GRK3: variants seen among roughly 807,000 people sequenced by gnomAD.
GRK3 encodes the protein adrenergic, beta, receptor kinase 2.
In GRK3, 54 loss-of-function variants were observed where a neutral mutation model predicts 95.7. That is an observed-to-expected ratio of 0.56 (90% CI 0.45 to 0.71). GRK3 has a LOEUF of 0.71. GRK3 is among the 30% of genes least tolerant of loss of function. The pLI, the probability that GRK3 is intolerant of heterozygous loss-of-function variation, is 0.00. For missense variants in GRK3, 649 were observed against 851.2 expected, an observed-to-expected ratio of 0.76 and a Z score of 2.96; for synonymous variants, 281 against 290.8, an observed-to-expected ratio of 0.97 and a Z score of 0.34.
At chr22:25,722,142 C>G in intron 20 of GRK3, 147 bp from the exon 21 acceptor site, 1 of 811,604 alleles carries the variant, frequency 1.2e-6, no homozygotes, top group Non-Finnish European at 2.0e-6. Context: ...CAGCGTGACC[C>G]ATCAGCTAGT....
In GRK3 at chr22:25,660,611, G is replaced by A. The variant is rs572798343; in HGVS notation, c.265-965G>A. On this transcript the variant is annotated intron_variant, in intron 3 of 20. Transcript: ENST00000324198. ...TCTTTATTAGGAGTCTAATAAATAGGATTTGCTGGTTTTGATTTCAAAGCT... is the reference window on the plus strand; with the variant it reads ...TCTTTATTAGGAGTCTAATAAATAGAATTTGCTGGTTTTGATTTCAAAGCT... Among the ~76,000 whole-genome samples, 26 of 152,234 alleles carry A rather than the reference G, an allele frequency of 1.7e-4. No homozygotes were observed. In the South Asian group the frequency reaches 4.8e-3, roughly 28 times the overall value.
At chr22:25,696,815 T>G (rs919336476) in intron 13 of GRK3, among the ~76,000 whole-genome samples, 8 of 152,262 alleles carry the variant, frequency 5.3e-5, no homozygotes, top group African/African-American at 1.7e-4. Context: ...ATTGTATTAT[T>G]GCTTAGAAAG....
intron 13 of GRK3, among the ~76,000 whole-genome samples, chr22:25,698,786 A>G (rs1014677660): frequency 6.6e-6 from 1 of 152,168 alleles, no homozygotes; most frequent in African/African-American, 2.4e-5. Context: ...AGGCAGGCAG[A>G]AGAATGTGAG....
rs138391111 is a variant in GRK3, at chr22:25,609,966, G to T, written c.190+5513G>T. Among the ~76,000 whole-genome samples, 57 of 150,104 alleles carry T rather than the reference G, an allele frequency of 3.8e-4. No individual in the cohort carries two copies. The East Asian group carries it at 0.01, about 26-fold the overall frequency. ...CAGTTCAATCACATCTCCTGCCTCA[G>T]CCTCCCGAGTAGCTGGGATTACAGG... is the stretch of plus-strand genomic sequence containing the variant. On this transcript the variant is annotated intron_variant, in intron 2 of 20. Transcript: ENST00000324198.
At chr22:25,612,457 C>T (rs2084505566) in intron 2 of GRK3, among the ~76,000 whole-genome samples, 1 of 151,710 alleles carries the variant, frequency 6.6e-6, no homozygotes, top group Admixed American at 6.6e-5. Flanking sequence ...GATCTTGTAT[C>T]CAGTGATCTT....
At chr22:25,664,087 C>T (rs947573574) in intron 5 of GRK3, among the ~76,000 whole-genome samples, 1 of 152,156 alleles carries the variant, frequency 6.6e-6, no homozygotes, top group Non-Finnish European at 1.5e-5. Context: ...TGTGATTATC[C>T]TCTAGGGGAA....
intron 17 of GRK3, among the ~76,000 whole-genome samples, chr22:25,712,156 T>C (rs781239454): frequency 6.6e-6 from 1 of 152,134 alleles, no homozygotes; most frequent in African/African-American, 2.4e-5. Flanking sequence ...GGCTGGGCCA[T>C]GATGGTGATT....
At chr22:25,668,801 A>G (rs113350608) in intron 6 of GRK3, among the ~76,000 whole-genome samples, 2 of 152,240 alleles carry the variant, frequency 1.3e-5, no homozygotes, top group African/African-American at 4.8e-5. Flanking sequence ...CTTTTGTGTG[A>G]TCCTTAAGGG....
intron 13 of GRK3, among the ~76,000 whole-genome samples, chr22:25,698,156 A>C (rs1335954828): frequency 7.3e-6 from 1 of 137,796 alleles, no homozygotes; most frequent in Non-Finnish European, 1.6e-5. Context: ...GAAGGAAGGA[A>C]GAAGGGAGAG....
intron 5 of GRK3, among the ~76,000 whole-genome samples, chr22:25,666,793 T>TA (rs1002358831): frequency 6.6e-5 from 10 of 151,814 alleles, no homozygotes; most frequent in Non-Finnish European, 1.0e-4. Context: ...TATGAAGACA[T>TA]AAAAAAAAGG....
chr22:25,584,844 TGAATG>T (rs1449942074), intron 1 of GRK3, among the ~76,000 whole-genome samples: 1 of 152,276 alleles, frequency 6.6e-6, no homozygotes, highest in African/African-American at 2.4e-5. Flanking sequence ...CCCGGTCACT[TGAATG>T]GAAAGGCCGT....
At chr22:25,661,790 C>G in intron 4 of GRK3, 113 bp downstream of exon 4, 1 of 574,606 alleles carries the variant, frequency 1.7e-6, no homozygotes, top group Non-Finnish European at 3.0e-6. Flanking sequence ...GAAAAATGCA[C>G]GCCCGGGATG....
intron 2 of GRK3, among the ~76,000 whole-genome samples, chr22:25,626,595 T>C (rs1341846308): frequency 1.3e-5 from 2 of 152,256 alleles, no homozygotes; most frequent in African/African-American, 4.8e-5. Flanking sequence ...AAAATACCTC[T>C]GTTATTTAAT....
chr22:25,589,854 G>A (rs1932436193), intron 1 of GRK3, among the ~76,000 whole-genome samples: 1 of 152,180 alleles, frequency 6.6e-6, no homozygotes. Context: ...TGAAGGAGGA[G>A]CAAAGGCATG....
chr22:25,587,823 C>T (rs1227644383), intron 1 of GRK3, among the ~76,000 whole-genome samples: 1 of 152,240 alleles, frequency 6.6e-6, no homozygotes, highest in Non-Finnish European at 1.5e-5. Flanking sequence ...TTCTCATTCT[C>T]TCTTTTGCCT....
At chr22:25,632,864 T>TC (rs1213812033) in intron 2 of GRK3, among the ~76,000 whole-genome samples, 2 of 152,182 alleles carry the variant, frequency 1.3e-5, no homozygotes, top group African/African-American at 4.8e-5. Context: ...TATCCTTTTC[T>TC]CCAACAGCAT....
intron 1 of GRK3, among the ~76,000 whole-genome samples, chr22:25,573,703 A>T (rs1931786283): frequency 6.6e-6 from 1 of 152,186 alleles, no homozygotes; most frequent in South Asian, 2.1e-4. Flanking sequence ...GTTCAAGATC[A>T]GCCTGACAAA....
At position 25,725,831 on chromosome 22, in the gene GRK3, C is replaced by T; in HGVS notation, c.*3381C>T. On this transcript the variant is annotated 3_prime_UTR_variant, in exon 21 of 21. Transcript: ENST00000324198. ...GGGCGTGGTGGCGGGCGCCTGTAGT[C>T]CCAGCTACTTGGGAGGCTGAGGCAG... 1 of 340,022 alleles carries T rather than the reference C, an allele frequency of 2.9e-6. No homozygotes were observed. The highest frequency in any genetic ancestry group is 4.8e-5 in the Admixed American group (1 of 20,830). 21.1% of individuals were successfully genotyped at this position (340,022 alleles called of 1,614,324 possible).
At chr22:25,654,001 G>A (rs1053383590) in intron 3 of GRK3, among the ~76,000 whole-genome samples, 1 of 152,062 alleles carries the variant, frequency 6.6e-6, no homozygotes, top group Admixed American at 6.6e-5. Flanking sequence ...ATTCTTTAAC[G>A]TACACATGGA....
Sources: gnomAD v4.1 joint callset for allele counts (sites outside exome capture counted in the v4.1 genomes callset) on GRCh38, gnomAD v4.1.1 for gene constraint, MANE v1.5 for transcripts, NCBI Gene and HGNC (gene_info 2026-07-23, HGNC 2026-07-21) for gene names.